Variants in SEPTIN9 observed in about 807,000 individuals in gnomAD.
SEPTIN9 encodes septin 9, also known as septin-9.
Under a neutral mutation model 56.6 loss-of-function variants are expected in SEPTIN9, and 13 were observed. The observed-to-expected ratio is 0.23, with a 90% CI of 0.15 to 0.37. The LOEUF is 0.37. Ranked by LOEUF, SEPTIN9 falls within the 10% of genes least tolerant of loss-of-function variation. SEPTIN9 has a pLI of 1.00. For synonymous variants in SEPTIN9, 332 were observed against 334.1 expected, an observed-to-expected ratio of 0.99 and a Z score of 0.07; for missense variants, 650 against 823.1, an observed-to-expected ratio of 0.79 and a Z score of 2.57.
At chr17:77,328,010 C>G in intron 2 of SEPTIN9, among the ~76,000 whole-genome samples, 1 of 151,846 alleles carries the variant, frequency 6.6e-6, no homozygotes, top group Non-Finnish European at 1.5e-5. Context: ...TGTCCCCGTG[C>G]CTAGTGTGTC....
chr17:77,466,229 T>C (rs1471419866), intron 3 of SEPTIN9, among the ~76,000 whole-genome samples: 11 of 152,174 alleles, frequency 7.2e-5, no homozygotes, highest in Admixed American at 7.2e-4. Context: ...CGGTAGGCAG[T>C]TTGCACTGTA....
chr17:77,467,779 G>C (rs1353789265), intron 3 of SEPTIN9, among the ~76,000 whole-genome samples: 7 of 152,232 alleles, frequency 4.6e-5, no homozygotes, highest in Non-Finnish European at 1.0e-4. Flanking sequence ...CGGGGTAGAC[G>C]GGAACCGTGG....
At chr17:77,315,086 G>A (rs1398674088) in intron 2 of SEPTIN9, among the ~76,000 whole-genome samples, 2 of 152,212 alleles carry the variant, frequency 1.3e-5, no homozygotes, top group African/African-American at 4.8e-5. Context: ...ATTCAGTTTG[G>A]AGTATGAATT....
At chr17:77,342,453 A>G (rs2033764141) in intron 2 of SEPTIN9, among the ~76,000 whole-genome samples, 1 of 152,240 alleles carries the variant, frequency 6.6e-6, no homozygotes, top group Non-Finnish European at 1.5e-5. Context: ...TTAAAGAACC[A>G]GCATTGGACT....
At chr17:77,474,601 C>T (rs1767357789) in intron 3 of SEPTIN9, among the ~76,000 whole-genome samples, 1 of 152,292 alleles carries the variant, frequency 6.6e-6, no homozygotes, top group African/African-American at 2.4e-5. Flanking sequence ...ACCGCAGCTG[C>T]ACCTTCTGGG....
intron 2 of SEPTIN9, among the ~76,000 whole-genome samples, chr17:77,384,842 AAC>A (rs146495461): frequency 0.047 from 6,625 of 142,086 alleles, 153 homozygotes; most frequent in South Asian, 0.089. Flanking sequence ...AACCTGTTTA[AAC>A]ACACACACAC....
chr17:77,479,059 G>T (rs148331675), intron 3 of SEPTIN9, among the ~76,000 whole-genome samples: 2 of 152,160 alleles, frequency 1.3e-5, no homozygotes, highest in African/African-American at 2.4e-5. Context: ...AGGACAGTTT[G>T]TTTTACAAGA....
intron 2 of SEPTIN9, among the ~76,000 whole-genome samples, chr17:77,365,467 T>G (rs1409531279): frequency 6.6e-6 from 1 of 152,134 alleles, no homozygotes; most frequent in Non-Finnish European, 1.5e-5. Context: ...CTCTCTTTCC[T>G]CTTTTTTGAA....
At chr17:77,311,218 G>C (rs968780242) in intron 2 of SEPTIN9, among the ~76,000 whole-genome samples, 1 of 139,808 alleles carries the variant, frequency 7.2e-6, no homozygotes, top group Non-Finnish European at 1.5e-5. Flanking sequence ...AGGCAAGGAA[G>C]GACCCCCCCC....
At chr17:77,363,695 T>A (rs145189576) in intron 2 of SEPTIN9, among the ~76,000 whole-genome samples, 2 of 152,196 alleles carry the variant, frequency 1.3e-5, no homozygotes, top group East Asian at 3.9e-4. Flanking sequence ...GCCGAGCCCA[T>A]CTTCAAGTTC....
chr17:77,448,085 G>A (rs2037811856), intron 3 of SEPTIN9, among the ~76,000 whole-genome samples: 1 of 152,192 alleles, frequency 6.6e-6, no homozygotes, highest in East Asian at 1.9e-4. Flanking sequence ...GTGGCTTGTA[G>A]ACATGGTGCC....
At chr17:77,395,751 C>T (rs1301200865) in intron 2 of SEPTIN9, among the ~76,000 whole-genome samples, 1 of 152,156 alleles carries the variant, frequency 6.6e-6, no homozygotes, top group African/African-American at 2.4e-5. Flanking sequence ...TTGTATACAT[C>T]TTGTGTCCTG....
intron 6 of SEPTIN9, 60 bp from the exon 7 acceptor site, chr17:77,488,667 A>G: frequency 6.2e-7 from 1 of 1,608,540 alleles, no homozygotes; most frequent in Non-Finnish European, 8.5e-7. Context: ...CTGGGAATGC[A>G]CGACCTGCTT....
At position 77,499,326 on chromosome 17, in the gene SEPTIN9, G is replaced by C; in HGVS notation, c.*668G>C. Reference sequence around the variant, plus strand: ...ATCCGCAGACTGCTTGGCCAGATGCGGGGACAGGCTGGAATGAGGGAGGCG... The same window carrying C: ...ATCCGCAGACTGCTTGGCCAGATGCCGGGACAGGCTGGAATGAGGGAGGCG... On this transcript the variant is annotated 3_prime_UTR_variant, in exon 12 of 12. Coordinates refer to ENST00000427177, the MANE Select transcript of SEPTIN9 (RefSeq NM_001113491.2). 1 of 595,982 alleles carries C rather than the reference G, an allele frequency of 1.7e-6. No homozygotes were observed. Among genetic ancestry groups the C allele is most frequent in the Non-Finnish European group, 3.2e-6 (1 of 308,286 alleles). The allele number at this position is 595,982 out of a possible 1,614,324, so 36.9% of individuals were successfully genotyped here.
At position 77,371,232 on chromosome 17, in the gene SEPTIN9, G is replaced by T. The variant is rs1248728015; in HGVS notation, c.77-30827G>T. Among the ~76,000 whole-genome samples the T allele has an allele frequency of 6.6e-6, 1 of 152,210 alleles. No individual in the cohort carries two copies. The highest frequency in any genetic ancestry group is 1.5e-5 in the Non-Finnish European group (1 of 68,042). On this transcript the variant is annotated intron_variant, in intron 2 of 11. Coordinates refer to ENST00000427177, the MANE Select transcript of SEPTIN9 (RefSeq NM_001113491.2). This position sits in a 1 kb window ranked among gnomAD's most constrained non-coding sequence, Gnocchi z 4.1. ...GCTGGGGCTGGAGCCGGTGGGCTCT[G>T]AGCACAGTCACGAAGGCATGCGCAC...
chr17:77,477,922 T>C (rs2039290762), intron 3 of SEPTIN9, among the ~76,000 whole-genome samples: 1 of 152,084 alleles, frequency 6.6e-6, no homozygotes, highest in Non-Finnish European at 1.5e-5. Context: ...GACAGATCCT[T>C]GCACAACCGT....
intron 2 of SEPTIN9, among the ~76,000 whole-genome samples, chr17:77,379,358 C>G (rs1019256095): frequency 3.4e-4 from 51 of 151,942 alleles, no homozygotes; most frequent in Non-Finnish European, 6.2e-4. Flanking sequence ...GCCACCTGGT[C>G]TCGTCGGCTG....
chr17:77,354,936 G>C (rs2034180299), intron 2 of SEPTIN9, among the ~76,000 whole-genome samples: 1 of 152,078 alleles, frequency 6.6e-6, no homozygotes, highest in Non-Finnish European at 1.5e-5. Context: ...CAGAGGCCTT[G>C]AGTCACTTGC....
At chr17:77,490,702 G>T (rs372541057) in intron 7 of SEPTIN9, 40 bp from the exon 8 acceptor site, 9 of 1,476,640 alleles carry the variant, frequency 6.1e-6, no homozygotes, top group Non-Finnish European at 8.3e-6. Flanking sequence ...CCACTGCCCC[G>T]CTCCCCCAGA....
Sources: gnomAD v4.1 joint callset for allele counts (sites outside exome capture counted in the v4.1 genomes callset) on GRCh38, gnomAD v4.1.1 for gene constraint, Gnocchi (gnomAD v3.1) non-coding constraint, MANE v1.5 for transcripts, NCBI Gene and HGNC (gene_info 2026-07-23, HGNC 2026-07-21) for gene names.